TMPRSS15: variants seen among roughly 807,000 people sequenced by gnomAD.
TMPRSS15 encodes transmembrane serine protease 15, also known as enteropeptidase.
In TMPRSS15, 128 loss-of-function variants were observed where a neutral mutation model predicts 125.3. That is an observed-to-expected ratio of 1.02 (90% CI 0.89 to 1.18). TMPRSS15 has a LOEUF of 1.18. Ranked by LOEUF, TMPRSS15 falls within the 50% of genes most tolerant of loss-of-function variation. The probability of loss-of-function intolerance (pLI) is 0.00; values close to 1 mark genes in which losing one functional copy is unlikely to be tolerated. For missense variants in TMPRSS15, 1,283 were observed against 1,212.7 expected (o/e 1.06, Z -0.86); for synonymous variants, 446 against 423.2 (o/e 1.05, Z -0.66).
At chr21:18,291,401 C>T (rs1568986718) in intron 21 of TMPRSS15, among the ~76,000 whole-genome samples, 1 of 152,162 alleles carries the variant, frequency 6.6e-6, no homozygotes, top group Non-Finnish European at 1.5e-5. Flanking sequence ...TTTAGAATCA[C>T]TCAGGAGAAC....
chr21:18,393,511 A>C (rs1451807821), intron 3 of TMPRSS15, among the ~76,000 whole-genome samples: 1 of 152,158 alleles, frequency 6.6e-6, no homozygotes, highest in African/African-American at 2.4e-5. Context: ...GACTAGAATG[A>C]ATTTTCTTTA....
chr21:18,416,171 G>T (rs1248314209), intron 1 of TMPRSS15, among the ~76,000 whole-genome samples: 1 of 151,860 alleles, frequency 6.6e-6, no homozygotes. Flanking sequence ...AAAAAACATG[G>T]CTTTCTATGG....
chr21:18,404,010 A>T (rs1601447686), upstream of TMPRSS15, among the ~76,000 whole-genome samples: 1 of 152,324 alleles, frequency 6.6e-6, no homozygotes, highest in East Asian at 1.9e-4. Context: ...CACTAGGCAC[A>T]TGCATCTGAT....
chr21:18,365,517 TTCCC>T lies in TMPRSS15; in HGVS notation c.665-273_665-270del, dbSNP rs199867610. Among the ~76,000 whole-genome samples, 294 of 149,848 alleles carry T rather than the reference TTCCC, an allele frequency of 2.0e-3. 4 individuals carry two copies. Among genetic ancestry groups the T allele is most frequent in the African/African-American group, 6.0e-3 (242 of 40,456 alleles). On this transcript the variant is annotated intron_variant, in intron 6 of 24. Coordinates refer to ENST00000284885, the MANE Select transcript of TMPRSS15 (RefSeq NM_002772.3). ...CCTTTTCCCTTGCTTCCTTCCTTCC[TTCCC>T]TCCCTCCCTCCCTTCCTTCTTTCCT...
chr21:18,314,935 T>G (rs2075145346), intron 17 of TMPRSS15, among the ~76,000 whole-genome samples: 1 of 152,096 alleles, frequency 6.6e-6, no homozygotes, highest in African/African-American at 2.4e-5. Flanking sequence ...GTGACCAAAT[T>G]GAAACAAACA....
chr21:18,323,055 G>T (rs1429929794), intron 16 of TMPRSS15, among the ~76,000 whole-genome samples: 5 of 152,136 alleles, frequency 3.3e-5, no homozygotes, highest in Non-Finnish European at 7.4e-5. Flanking sequence ...TGTAACTTTT[G>T]ATGGAAGAGA....
rs190048414 is a variant in TMPRSS15 at position 18,393,764 on chromosome 21, T to C, written c.344+4115A>G. Reference sequence around the variant, plus strand: ...TCATGCCTAATTTATTATTAATGTCTGTTATAAATTAGTCACTTAACCCAA... The same window carrying C: ...TCATGCCTAATTTATTATTAATGTCCGTTATAAATTAGTCACTTAACCCAA... On this transcript the variant is annotated intron_variant, in intron 3 of 24. Coordinates refer to ENST00000284885, the MANE Select transcript of TMPRSS15 (RefSeq NM_002772.3). 2.3e-3 allele frequency among the ~76,000 whole-genome samples: 357 copies of C among 152,292 alleles called. 1 individual carries two copies. The highest frequency in any genetic ancestry group is 0.01 in the Middle Eastern group (3 of 294).
chr21:18,461,894 C>T (rs959402393), intron 1 of TMPRSS15, among the ~76,000 whole-genome samples: 1 of 152,064 alleles, frequency 6.6e-6, no homozygotes, highest in African/African-American at 2.4e-5. Flanking sequence ...GGAGGAGTTT[C>T]TTTCTATGTC....
At chr21:18,314,393 C>A (rs1407209459) in intron 17 of TMPRSS15, among the ~76,000 whole-genome samples, 1 of 152,194 alleles carries the variant, frequency 6.6e-6, no homozygotes, top group Non-Finnish European at 1.5e-5. Context: ...ATTCTCCTGC[C>A]TCAGCCTCCG....
chr21:18,380,170 C>CAA (rs1555907570), intron 4 of TMPRSS15, among the ~76,000 whole-genome samples: 2 of 123,612 alleles, frequency 1.6e-5, no homozygotes, highest in African/African-American at 7.8e-5. Flanking sequence ...GGAGATGTCA[C>CAA]ACACACACAC....
intron 8 of TMPRSS15, among the ~76,000 whole-genome samples, chr21:18,354,197 G>A (rs577646954): frequency 1.6e-4 from 25 of 151,918 alleles, no homozygotes; most frequent in African/African-American, 6.0e-4. Context: ...CATTAGTTAA[G>A]CAGTTTTGAA....
intron 14 of TMPRSS15, among the ~76,000 whole-genome samples, chr21:18,331,549 T>C (rs1340638958): frequency 6.6e-6 from 1 of 152,240 alleles, no homozygotes. Context: ...GTGATCTTTC[T>C]TATAATTTTA....
At chr21:18,371,208 T>C (rs2147044666) in intron 6 of TMPRSS15, among the ~76,000 whole-genome samples, 2 of 152,274 alleles carry the variant, frequency 1.3e-5, no homozygotes, top group Middle Eastern at 3.4e-3. Flanking sequence ...TAATCACTAA[T>C]AAAATAGAAC....
chr21:18,410,753 T>C (rs912036340), intron 1 of TMPRSS15, among the ~76,000 whole-genome samples: 1 of 152,178 alleles, frequency 6.6e-6, no homozygotes, highest in Non-Finnish European at 1.5e-5. Flanking sequence ...AATCGAATTA[T>C]ATTCTGGAGA....
At chr21:18,451,156 T>C (rs1418675315) in intron 1 of TMPRSS15, among the ~76,000 whole-genome samples, 1 of 152,152 alleles carries the variant, frequency 6.6e-6, no homozygotes, top group South Asian at 2.1e-4. Flanking sequence ...AGTTCTTCAG[T>C]TCCCTGAAAG....
At chr21:18,336,974 T>G (rs1005702967) in intron 13 of TMPRSS15, among the ~76,000 whole-genome samples, 20 of 152,366 alleles carry the variant, frequency 1.3e-4, no homozygotes, top group Non-Finnish European at 2.4e-4. Context: ...TACTGATTGA[T>G]TCATATCTAC....
intron 1 of TMPRSS15, 66 bp downstream of exon 1, chr21:18,403,412 T>C (rs1392201116): frequency 6.2e-7 from 1 of 1,604,154 alleles, no homozygotes; most frequent in Non-Finnish European, 8.5e-7. Flanking sequence ...ACTTACAGAA[T>C]AACTGACACT....
chr21:18,403,801 T>C (rs2076120314), upstream of TMPRSS15: 2 of 666,048 alleles, frequency 3.0e-6, no homozygotes, highest in Non-Finnish European at 5.2e-6. Context: ...TATGTCTCTA[T>C]ACATTAAGTA....
At chr21:18,309,032 G>A (rs1017008010) in intron 18 of TMPRSS15, among the ~76,000 whole-genome samples, 2 of 152,122 alleles carry the variant, frequency 1.3e-5, no homozygotes, top group African/African-American at 4.8e-5. Context: ...TTGCTGTTGT[G>A]AACAGTGCTG....
Sources: allele counts gnomAD v4.1 joint callset (sites outside exome capture counted in the v4.1 genomes callset), GRCh38; gene constraint gnomAD v4.1.1; transcripts MANE v1.5; gene names NCBI Gene and HGNC (gene_info 2026-07-23, HGNC 2026-07-21).